Variants in PADI2 observed in about 807,000 individuals in gnomAD.
The protein encoded by PADI2 is protein-arginine deiminase type-2.
A neutral mutation model predicts 81.1 loss-of-function variants in PADI2; 70 were observed. The observed-to-expected ratio is 0.86, with a 90% CI of 0.71 to 1.05. PADI2 has a LOEUF of 1.05. Among genes scored for constraint, PADI2 ranks in the 50% least tolerant of loss-of-function variants. The pLI is 0.00. For missense variants in PADI2, 853 were observed against 889.9 expected (o/e 0.96, Z 0.53); for synonymous variants, 338 against 358.0 (o/e 0.94, Z 0.63).
intron 8 of PADI2, among the ~76,000 whole-genome samples, chr1:17,084,205 G>T (rs2078368563): frequency 6.6e-6 from 1 of 152,314 alleles, no homozygotes; most frequent in East Asian, 1.9e-4. Flanking sequence ...CTAATCACAG[G>T]CACTTTTTCC....
At chr1:17,099,500 C>A (rs1454734876) in intron 3 of PADI2, among the ~76,000 whole-genome samples, 1 of 152,124 alleles carries the variant, frequency 6.6e-6, no homozygotes, top group African/African-American at 2.4e-5. Flanking sequence ...TTAGCTCAAA[C>A]CCCTTATTTT....
In PADI2 at chr1:17,092,428, A is replaced by T; in HGVS notation, c.635T>A (p.Val212Glu). ...LYISMSDSDK[V>E]GVFYVENPFF... ...CTCACTCTCCACGTAGAACACGCCC[A>T]CTTTGTCTGAGTCTGACATGGAAAT... Residue 212 changes from valine (V) to glutamate (E), a missense_variant, in exon 6 of 16, where the codon GTG becomes GAG. Transcript: ENST00000375486. 6.2e-7 allele frequency: 1 copy of T among 1,606,820 alleles called. No homozygotes were observed. The highest frequency in any genetic ancestry group is 8.5e-7 in the Non-Finnish European group (1 of 1,177,252).
Position 17,070,189 on chromosome 1 carries a change from G to A in PADI2, c.1663C>T (p.Leu555Phe). 4 of 1,614,124 alleles carry A rather than the reference G, an allele frequency of 2.5e-6. No individual in the cohort carries two copies. Among genetic ancestry groups the A allele is most frequent in the Non-Finnish European group, 3.4e-6 (4 of 1,179,990 alleles). ...QRCLDWNRDILKKELGLTEQD... is the reference protein window; with the variant it reads ...QRCLDWNRDIFKKELGLTEQD... The stretch of plus-strand genomic sequence containing the variant: ...TCTGTCAGTCCCAGCTCCTTCTTGA[G>A]GATGTCACGGTTCCAGTCTAGGCAG... The change falls in exon 15 of 16, where the codon CTC (leucine) becomes TTC (phenylalanine). Residue 555 changes from leucine to phenylalanine, a missense_variant. Physicochemically the swap from Leu to Phe is conservative, Grantham distance 22 (BLOSUM62 0). Coordinates refer to ENST00000375486, the MANE Select transcript of PADI2 (RefSeq NM_007365.3).
intron 15 of PADI2, 127 bp from the exon 16 acceptor site, chr1:17,069,404 G>A (rs761736689): frequency 3.9e-5 from 28 of 717,362 alleles, no homozygotes; most frequent in South Asian, 1.1e-4. Flanking sequence ...GGATAGGGAC[G>A]GAGTGGGGCT....
intron 1 of PADI2, among the ~76,000 whole-genome samples, chr1:17,113,749 G>A (rs1263449043): frequency 6.6e-6 from 1 of 152,226 alleles, no homozygotes; most frequent in African/African-American, 2.4e-5. Context: ...ACAGAGAGAA[G>A]CAAGCCTGGG....
At chr1:17,089,767 T>G (rs1373043924) in intron 6 of PADI2, among the ~76,000 whole-genome samples, 1 of 152,178 alleles carries the variant, frequency 6.6e-6, no homozygotes, top group Non-Finnish European at 1.5e-5. Flanking sequence ...GCCAGCTTTC[T>G]CTGCAGGAAC....
rs1161912675 is a variant in PADI2 at position 17,075,335 on chromosome 1, ACTAGC to A, written c.1455+339_1455+343del. On this transcript the variant is annotated intron_variant, in intron 12 of 15. Transcript: ENST00000375486. ...GAGCATTACCACCAACACAATAGCC[ACTAGC>A]CTTATGTGACTATTGAACACTTGAG... The A allele has an allele frequency of 9.2e-6, 3 of 325,656 alleles. No homozygotes were observed. The Admixed American group carries it at 1.5e-4, about 16-fold the overall frequency. 20.2% of individuals were successfully genotyped at this position (325,656 alleles called of 1,614,324 possible). A position where few individuals can be genotyped will look rare whatever the true frequency, so the allele number is the denominator to read the frequency against.
rs536975331 is a variant in PADI2 at position 17,117,339 on chromosome 1, G to A, written c.92+1941C>T. Among the ~76,000 whole-genome samples the A allele has an allele frequency of 3.9e-5, 6 of 152,264 alleles. 1 individual carries two copies. Among genetic ancestry groups the A allele is most frequent in the Middle Eastern group, 3.4e-3 (1 of 294 alleles). ...AAATGATAATATTCTAAAATATTGG[G>A]TTAAACAAAATATATTATTAAAATT... On this transcript the variant is annotated intron_variant, in intron 1 of 15. Coordinates refer to ENST00000375486, the MANE Select transcript of PADI2 (RefSeq NM_007365.3).
chr1:17,081,235 T>C (rs745862440), intron 10 of PADI2, among the ~76,000 whole-genome samples: 4 of 152,218 alleles, frequency 2.6e-5, no homozygotes, highest in Non-Finnish European at 5.9e-5. Flanking sequence ...CGGGGAATGA[T>C]AACCATAACA....
intron 6 of PADI2, among the ~76,000 whole-genome samples, chr1:17,087,773 T>C (rs749170116): frequency 1.5e-4 from 23 of 152,214 alleles, no homozygotes; most frequent in Non-Finnish European, 2.9e-4. Context: ...CCCAAAGTGC[T>C]GGGATTACAG....
At chr1:17,072,134 T>A (rs1348078104) in intron 13 of PADI2, among the ~76,000 whole-genome samples, 1 of 152,252 alleles carries the variant, frequency 6.6e-6, no homozygotes, top group Non-Finnish European at 1.5e-5. Flanking sequence ...ATGTGACTTG[T>A]CTCAGGACTT....
In PADI2 at chr1:17,076,232, C is replaced by T. The variant is rs901786579; in HGVS notation, c.1311-409G>A. Among the ~76,000 whole-genome samples, 54 of 151,862 alleles carry T rather than the reference C, an allele frequency of 3.6e-4. 1 individual carries two copies. Among genetic ancestry groups the T allele is most frequent in the Non-Finnish European group, 2.7e-4 (18 of 67,876 alleles). On this transcript the variant is annotated intron_variant, in intron 11 of 15. Coordinates refer to ENST00000375486, the MANE Select transcript of PADI2 (RefSeq NM_007365.3). ...TTACTTTAATCTTTTTTTTTTCCCC[C>T]GAGATGGAGTCTTGCTATGTTGCCC... is the stretch of plus-strand genomic sequence containing the variant.
chr1:17,081,793 A>AAAACAAAC (rs35674150), intron 10 of PADI2, among the ~76,000 whole-genome samples: 3 of 151,990 alleles, frequency 2.0e-5, no homozygotes, highest in African/African-American at 4.8e-5. Context: ...AGATGACTTA[A>AAAACAAAC]AAACAAACAA....
intron 1 of PADI2, among the ~76,000 whole-genome samples, chr1:17,114,333 G>A (rs1931685157): frequency 6.6e-6 from 1 of 152,060 alleles, no homozygotes; most frequent in Non-Finnish European, 1.5e-5. Flanking sequence ...TTGACTCCAG[G>A]GAGGATCACA....
intron 1 of PADI2, among the ~76,000 whole-genome samples, chr1:17,117,665 C>T (rs1931806357): frequency 6.6e-6 from 1 of 152,216 alleles, no homozygotes; most frequent in Admixed American, 6.5e-5. Context: ...AGAGCGATAG[C>T]AGGGCGCCTG....
At chr1:17,112,030 G>A (rs928342700) in intron 1 of PADI2, among the ~76,000 whole-genome samples, 18 of 152,112 alleles carry the variant, frequency 1.2e-4, no homozygotes, top group African/African-American at 3.9e-4. Context: ...AGCAGGGGTG[G>A]CATGATCAGT....
intron 4 of PADI2, 22 bp downstream of exon 4, chr1:17,095,887 G>A (rs1930905332): frequency 4.4e-6 from 7 of 1,594,570 alleles, no homozygotes; most frequent in Non-Finnish European, 6.0e-6. Flanking sequence ...TCAGGGTGGT[G>A]CCTGCCCTGA....
At chr1:17,074,807 C>T (rs765556248) in intron 13 of PADI2, 49 bp downstream of exon 13, 1 of 1,225,080 alleles carries the variant, frequency 8.2e-7, no homozygotes, top group Non-Finnish European at 1.2e-6. Flanking sequence ...GAGGGTCTCT[C>T]TGGGGCCTCC....
intron 6 of PADI2, among the ~76,000 whole-genome samples, chr1:17,087,816 C>T (rs896120747): frequency 6.6e-6 from 1 of 152,130 alleles, no homozygotes; most frequent in African/African-American, 2.4e-5. Flanking sequence ...TCATCACAGC[C>T]TTTTTAAATG....
Sources: gnomAD v4.1 joint callset for allele counts (sites outside exome capture counted in the v4.1 genomes callset) on GRCh38, gnomAD v4.1.1 for gene constraint, MANE v1.5 for transcripts, NCBI Gene and HGNC (gene_info 2026-07-23, HGNC 2026-07-21) for gene names.